The following HNRNPUL1 variants were observed in gnomAD, a reference collection of about 807,000 sequenced individuals.
The protein encoded by HNRNPUL1 is heterogeneous nuclear ribonucleoprotein U like 1.
A neutral mutation model predicts 108.5 loss-of-function variants in HNRNPUL1; 14 were observed. That is an observed-to-expected ratio of 0.13 (90% CI 0.09 to 0.20). The LOEUF is 0.20. Among genes scored for constraint, HNRNPUL1 ranks in the 10% least tolerant of loss-of-function variants. The pLI is 1.00. For missense variants in HNRNPUL1, 804 were observed against 1,168.3 expected (o/e 0.69, Z 4.55); for synonymous variants, 422 against 445.2 (o/e 0.95, Z 0.66).
chr19:41,290,179 GAGAA>G (rs2036502034), intron 7 of HNRNPUL1, among the ~76,000 whole-genome samples: 1 of 152,278 alleles, frequency 6.6e-6, no homozygotes, highest in East Asian at 1.9e-4. Context: ...CACCTGAATA[GAGAA>G]AGAAATTATA....
intron 4 of HNRNPUL1, 143 bp downstream of exon 4, chr19:41,274,198 A>G: frequency 2.8e-6 from 2 of 707,278 alleles, no homozygotes; most frequent in Admixed American, 2.3e-5. Context: ...CTCTGGAGCA[A>G]GAGTACTGGT....
intron 2 of HNRNPUL1, among the ~76,000 whole-genome samples, chr19:41,268,905 A>AC (rs1284450481): frequency 6.6e-6 from 1 of 151,802 alleles, no homozygotes; most frequent in Non-Finnish European, 1.5e-5. Context: ...GAGAGTTGAG[A>AC]CCCCTAGACT....
chr19:41,263,061 AAG>A (rs560219917), upstream of HNRNPUL1: 353 of 151,570 alleles, frequency 2.3e-3, 3 homozygotes, highest in African/African-American at 7.7e-3. Context: ...AAAAAAAAAA[AAG>A]AACAACAAAA....
At chr19:41,267,449 C>T (rs1184997547) in intron 1 of HNRNPUL1, among the ~76,000 whole-genome samples, 1 of 152,202 alleles carries the variant, frequency 6.6e-6, no homozygotes, top group Non-Finnish European at 1.5e-5. Flanking sequence ...CTTCCTCTCT[C>T]CCTTACTTGC....
chr19:41,268,215 G>C lies in HNRNPUL1; in HGVS notation c.296-8G>C. 6.2e-7 allele frequency: 1 copy of C among 1,611,336 alleles called. No individual in the cohort carries two copies. The highest frequency in any genetic ancestry group is 2.2e-5 in the East Asian group (1 of 44,804). On this transcript the variant is annotated splice_polypyrimidine_tract_variant and splice_region_variant and intron_variant, in intron 1 of 14. Transcript: ENST00000392006. ...CCTCTAATTGGCCATTTTTAATTTT[G>C]TTTTAAGATGCCATGGACAATATTA... is the stretch of plus-strand genomic sequence containing the variant.
chr19:41,273,890 A>C, intron 3 of HNRNPUL1, 92 bp from the exon 4 acceptor site: 6 of 988,046 alleles, frequency 6.1e-6, no homozygotes, highest in Non-Finnish European at 9.4e-6. Context: ...AGCAGTCTGG[A>C]GGCCACTCAT....
chr19:41,265,352 GTGGGTGGGA>G, intron 1 of HNRNPUL1: 2 of 1,507,678 alleles, frequency 1.3e-6, no homozygotes, highest in Non-Finnish European at 1.8e-6. Flanking sequence ...GGGTACGGGG[GTGGGTGGGA>G]GAGGTGGAGG....
upstream of HNRNPUL1, among the ~76,000 whole-genome samples, chr19:41,263,971 G>A (rs530316145): frequency 7.9e-5 from 12 of 152,340 alleles, no homozygotes; most frequent in South Asian, 1.7e-3. Context: ...GGCGGGAGAT[G>A]TACACCAATC....
At chr19:41,263,113 G>A (rs1351174365), upstream of HNRNPUL1, 2 of 150,996 alleles carry the variant, frequency 1.3e-5, no homozygotes, top group Admixed American at 6.6e-5. Context: ...ACGCCTGTTT[G>A]TTTACGACTG....
chr19:41,297,343 A>G (rs2036951438), intron 10 of HNRNPUL1, among the ~76,000 whole-genome samples: 1 of 152,216 alleles, frequency 6.6e-6, no homozygotes. Flanking sequence ...GAGGATGATT[A>G]AAAGAGTTGG....
At chr19:41,264,820 GC>G in intron 1 of HNRNPUL1, 22 bp downstream of exon 1, 1 of 1,342,562 alleles carries the variant, frequency 7.4e-7, no homozygotes, top group Non-Finnish European at 9.5e-7. Context: ...CGGGGCGGGG[GC>G]CGGGGAGCCC....
chr19:41,264,423 C>T lies in HNRNPUL1; in HGVS notation c.-81C>T. ...TGGGCCCCCCCCCTTTCCCCCTTCGCCTCCTGACAGGAAAGGTTTAAGGGG... is the reference window on the plus strand; with the variant it reads ...TGGGCCCCCCCCCTTTCCCCCTTCGTCTCCTGACAGGAAAGGTTTAAGGGG... On this transcript the variant is annotated 5_prime_UTR_variant, in exon 1 of 15. Coordinates refer to ENST00000392006, the MANE Select transcript of HNRNPUL1 (RefSeq NM_007040.6). 1 of 1,199,268 alleles carries T rather than the reference C, an allele frequency of 8.3e-7. No individual in the cohort carries two copies. Among genetic ancestry groups the T allele is most frequent in the South Asian group, 2.7e-5 (1 of 36,914 alleles). 74.3% of individuals were successfully genotyped at this position (1,199,268 alleles called of 1,614,324 possible). A position where few individuals can be genotyped will look rare whatever the true frequency, so the allele number is the denominator to read the frequency against.
Position 41,303,986 on chromosome 19 carries a change from G to A in HNRNPUL1, c.1987G>A (p.Gly663Arg), listed in dbSNP as rs751406446. Residue 663 changes from glycine (G) to arginine (R), a missense_variant, in exon 13 of 15, where the codon GGA becomes AGA. Physicochemically the swap from Gly to Arg is moderately radical, Grantham distance 125. Coordinates refer to ENST00000392006, the MANE Select transcript of HNRNPUL1 (RefSeq NM_007040.6). ...GNYRGGFNRS[G>R]GGGYSQNRWG... ...CTCCAACACAGGTTTCAACCGCAGC[G>A]GAGGTGGTGGCTATAGCCAGAACCG... The A allele has an allele frequency of 1.9e-6, 3 of 1,611,746 alleles. No individual in the cohort carries two copies. The highest frequency in any genetic ancestry group is 2.5e-6 in the Non-Finnish European group (3 of 1,178,192).
intron 10 of HNRNPUL1, among the ~76,000 whole-genome samples, chr19:41,297,425 G>A (rs2036956093): frequency 6.6e-6 from 1 of 152,204 alleles, no homozygotes; most frequent in Non-Finnish European, 1.5e-5. Flanking sequence ...AATTTGCCTG[G>A]CTAGTAAAAG....
At chr19:41,298,161 T>C (rs1288754781) in intron 10 of HNRNPUL1, among the ~76,000 whole-genome samples, 3 of 152,206 alleles carry the variant, frequency 2.0e-5, no homozygotes, top group Admixed American at 6.5e-5. Context: ...TGAGAGATCC[T>C]GGGCTGTCAC....
At chr19:41,273,632 C>T (rs1410817496) in intron 3 of HNRNPUL1, among the ~76,000 whole-genome samples, 2 of 152,168 alleles carry the variant, frequency 1.3e-5, no homozygotes, top group East Asian at 3.8e-4. Flanking sequence ...ATACCACAGC[C>T]TCCAAACAGT....
chr19:41,264,816 G>A lies in HNRNPUL1; in HGVS notation c.295+18G>A, dbSNP rs1037635890. On this transcript the variant is annotated intron_variant, in intron 1 of 14. Transcript: ENST00000392006. The stretch of plus-strand genomic sequence containing the variant: ...CGGACATTGTGAGAGTGCGCGGGGC[G>A]GGGGCCGGGGAGCCCGGAGCCTGGG... 1.5e-6 allele frequency: 2 copies of A among 1,340,344 alleles called. No individual in the cohort carries two copies. The highest frequency in any genetic ancestry group is 3.1e-5 in the African/African-American group (2 of 64,854). 83.0% of individuals were successfully genotyped at this position (1,340,344 alleles called of 1,614,324 possible). A position where few individuals can be genotyped will look rare whatever the true frequency, so the allele number is the denominator to read the frequency against.
intron 7 of HNRNPUL1, among the ~76,000 whole-genome samples, chr19:41,290,028 C>G (rs1035015663): frequency 6.6e-6 from 1 of 152,006 alleles, no homozygotes; most frequent in Non-Finnish European, 1.5e-5. Context: ...ATGGTCTTGA[C>G]GTGGGTGCAT....
At chr19:41,279,391 C>T (rs2035772829) in intron 6 of HNRNPUL1, among the ~76,000 whole-genome samples, 1 of 152,196 alleles carries the variant, frequency 6.6e-6, no homozygotes, top group Admixed American at 6.5e-5. Context: ...TGTGAAGAAT[C>T]AATTCTTATC....
Sources: allele counts gnomAD v4.1 joint callset (sites outside exome capture counted in the v4.1 genomes callset), GRCh38; gene constraint gnomAD v4.1.1; transcripts MANE v1.5; gene names NCBI Gene and HGNC (gene_info 2026-07-23, HGNC 2026-07-21).